The following PCDHGA9 variants were observed in gnomAD, a reference collection of about 807,000 sequenced individuals.
The protein encoded by PCDHGA9 is protocadherin gamma-A9.
Under a neutral mutation model 62.5 loss-of-function variants are expected in PCDHGA9, and 37 were observed. The observed-to-expected ratio is 0.59, with a 90% confidence interval of 0.46 to 0.78. The LOEUF (loss-of-function observed/expected upper bound fraction) is 0.78, where lower values mean the gene tolerates loss of function less well. PCDHGA9 is among the 30% of genes least tolerant of loss of function. The probability of loss-of-function intolerance (pLI) is 0.00; values close to 1 mark genes in which losing one functional copy is unlikely to be tolerated. For missense variants in PCDHGA9, 1,138 were observed against 1,166.2 expected (o/e 0.98, Z 0.35); for synonymous variants, 459 against 484.6 (o/e 0.95, Z 0.69).
In PCDHGA9 at chr5:141,404,481, A is replaced by T; in HGVS notation, c.1529A>T (p.Asp510Val). 6.2e-7 allele frequency: 1 copy of T among 1,613,836 alleles called. No individual in the cohort carries two copies. Among genetic ancestry groups the T allele is most frequent in the Non-Finnish European group, 8.5e-7 (1 of 1,179,792 alleles). Residue 510 changes from aspartate to valine, a missense_variant, in exon 1 of 4, where the codon GAC becomes GTC. Transcript: ENST00000573521. Reference protein sequence around the residue: ...PLSTYVSINSDTGVLYALCSF... With the variant: ...PLSTYVSINSVTGVLYALCSF... ...TCCACCTATGTCTCTATTAACTCAG[A>T]CACTGGTGTGCTGTATGCTCTGTGC...
intron 1 of PCDHGA9, chr5:141,421,412 A>T (rs375885183): frequency 4.3e-6 from 7 of 1,613,962 alleles, no homozygotes; most frequent in Non-Finnish European, 5.9e-6. Context: ...GAGCTGGCGA[A>T]GCGCGGAGTC....
At chr5:141,504,991 G>A (rs896449285) in intron 2 of PCDHGA9, among the ~76,000 whole-genome samples, 44 of 152,034 alleles carry the variant, frequency 2.9e-4, no homozygotes, top group Admixed American at 2.6e-3. Context: ...GTGAAACCCC[G>A]TCTGTACTAA....
chr5:141,490,618 A>G lies in PCDHGA9; in HGVS notation c.2425-4189A>G, dbSNP rs1463273520. On this transcript the variant is annotated intron_variant, in intron 1 of 3. Transcript: ENST00000573521. The surrounding 1 kb of genome is among the most constrained non-coding windows in gnomAD (Gnocchi z 5.4). ...ACCCCGCTTCAACCAGCAGCTTTAC[A>G]CTGCTTACATCCTAGAAAACCGGCC... 4.3e-6 allele frequency: 7 copies of G among 1,613,986 alleles called. No homozygotes were observed. Among genetic ancestry groups the G allele is most frequent in the Admixed American group, 1.7e-5 (1 of 59,996 alleles).
chr5:141,495,465 G>A (rs563411010), intron 2 of PCDHGA9, among the ~76,000 whole-genome samples: 3 of 152,182 alleles, frequency 2.0e-5, no homozygotes, highest in Non-Finnish European at 2.9e-5. Context: ...TGTCTGTGGG[G>A]TCTCCGTGTC....
Position 141,505,475 on chromosome 5 carries a change from G to A in PCDHGA9, c.2566G>A (p.Ala856Thr), listed in dbSNP as rs769108315. The A allele has an allele frequency of 2.2e-5, 35 of 1,614,098 alleles. No homozygotes were observed. Among genetic ancestry groups the A allele is most frequent in the South Asian group, 5.5e-5 (5 of 91,090 alleles). ...GCTGCAAGCCATGATCTTGGCGTCC[G>A]CCAGTGGTAAGTGGTGTCAGTGTGT... ...EMLQAMILAS[A>T]SEAADGSSTL... The change falls in exon 3 of 4, where the codon GCC becomes ACC. Residue 856 changes from alanine to threonine, a missense_variant. Physicochemically the swap from Ala to Thr is moderately conservative, Grantham distance 58. Transcript: ENST00000573521.
At position 141,404,862 on chromosome 5, in the gene PCDHGA9, C is replaced by T. The variant is rs377687399; in HGVS notation, c.1910C>T (p.Ala637Val). ...GCTCGGGCCCTGCTAGATAGAGATG[C>T]GCTCAAACAGAGCCTTGTGGTGGCT... ...RTARALLDRD[A>V]LKQSLVVAVQ... The change falls in exon 1 of 4, where the codon GCG becomes GTG. Residue 637 changes from alanine (A) to valine (V), a missense_variant. Ala to Val is a moderately conservative substitution (Grantham distance 64). Coordinates refer to ENST00000573521, the MANE Select transcript of PCDHGA9 (RefSeq NM_018921.3). The T allele has an allele frequency of 2.3e-5, 37 of 1,613,730 alleles. No individual in the cohort carries two copies. The African/African-American group carries it at 2.8e-4, about 12-fold the overall frequency.
In PCDHGA9 at chr5:141,503,070, G is replaced by A. The variant is rs868143537; in HGVS notation, c.2484-2323G>A. 1.5e-4 allele frequency among the ~76,000 whole-genome samples: 23 copies of A among 151,614 alleles called. No individual in the cohort carries two copies. The Middle Eastern group carries it at 0.01, about 68-fold the overall frequency. On this transcript the variant is annotated intron_variant, in intron 2 of 3. Coordinates refer to ENST00000573521, the MANE Select transcript of PCDHGA9 (RefSeq NM_018921.3). ...GGGTTTCACCATGTTGGTCAGAATGGTCTCGATCTCCTGACCTCGTGGTCT... is the reference window on the plus strand; with the variant it reads ...GGGTTTCACCATGTTGGTCAGAATGATCTCGATCTCCTGACCTCGTGGTCT...
At chr5:141,475,815 C>T (rs2099373124) in intron 1 of PCDHGA9, 1 of 340,648 alleles carries the variant, frequency 2.9e-6, no homozygotes, top group Non-Finnish European at 5.3e-6. Flanking sequence ...AAGTGAAGTT[C>T]CTGGCGCTAG....
intron 2 of PCDHGA9, among the ~76,000 whole-genome samples, chr5:141,501,294 C>CAT (rs200497585): frequency 0.16 from 9,924 of 62,810 alleles, 350 homozygotes; most frequent in Non-Finnish European, 0.25. Flanking sequence ...CCCTTATACA[C>CAT]ACACACACAC....
At chr5:141,419,977 G>A (rs962684463) in intron 1 of PCDHGA9, 1 of 1,614,066 alleles carries the variant, frequency 6.2e-7, no homozygotes, top group Non-Finnish European at 8.5e-7. Context: ...TTCTCCTCGC[G>A]GTGATTCTAG....
chr5:141,418,313 A>G (rs750036471), intron 1 of PCDHGA9: 2 of 1,614,038 alleles, frequency 1.2e-6, no homozygotes, highest in Middle Eastern at 1.6e-4. Context: ...GGGGATGGGA[A>G]CAATTCTTGA....
In PCDHGA9 at chr5:141,443,822, A is replaced by G. The variant is rs183934410; in HGVS notation, c.2424+38446A>G. ...GAAACAGTTACCTTTGGAAAACATAATTAGGTAAAATGGGTAATATGGAAA... is the reference window on the plus strand; with the variant it reads ...GAAACAGTTACCTTTGGAAAACATAGTTAGGTAAAATGGGTAATATGGAAA... On this transcript the variant is annotated intron_variant, in intron 1 of 3. Coordinates refer to ENST00000573521, the MANE Select transcript of PCDHGA9 (RefSeq NM_018921.3). Among the ~76,000 whole-genome samples, 330 of 152,316 alleles carry G rather than the reference A, an allele frequency of 2.2e-3. 2 individuals carry two copies. Among genetic ancestry groups the G allele is most frequent in the Non-Finnish European group, 4.1e-3 (279 of 68,018 alleles).
At chr5:141,424,726 T>C (rs1041673348) in intron 1 of PCDHGA9, 7 of 152,218 alleles carry the variant, frequency 4.6e-5, no homozygotes, top group African/African-American at 4.8e-5. Context: ...TTGGGAGTCA[T>C]AGATTCCTTC....
At chr5:141,409,772 C>T (rs2095314133) in intron 1 of PCDHGA9, 1 of 1,612,736 alleles carries the variant, frequency 6.2e-7, no homozygotes, top group Non-Finnish European at 8.5e-7. Flanking sequence ...TGATCACGAG[C>T]AGCTGCGCGC....
At chr5:141,410,748 C>G in intron 1 of PCDHGA9, 1 of 1,245,396 alleles carries the variant, frequency 8.0e-7, no homozygotes, top group Non-Finnish European at 1.1e-6. Flanking sequence ...AATATTTTCT[C>G]AATGTTTTTT....
At chr5:141,484,912 T>G (rs1594427765) in intron 1 of PCDHGA9, 1 of 437,066 alleles carries the variant, frequency 2.3e-6, no homozygotes, top group East Asian at 4.0e-5. Flanking sequence ...TGCGACGCAT[T>G]AACCCTGCTG....
chr5:141,469,753 T>C (rs564585597), intron 1 of PCDHGA9, among the ~76,000 whole-genome samples: 1 of 152,322 alleles, frequency 6.6e-6, no homozygotes, highest in East Asian at 1.9e-4. Flanking sequence ...ATTACAAAAA[T>C]ACATATATAC....
At chr5:141,413,513 T>C (rs1369472337) in intron 1 of PCDHGA9, 34 of 1,613,974 alleles carry the variant, frequency 2.1e-5, no homozygotes, top group Non-Finnish European at 2.9e-5. Context: ...TTTAATATCC[T>C]TGTGGAAGAC....
intron 1 of PCDHGA9, among the ~76,000 whole-genome samples, chr5:141,452,761 G>A (rs1291983570): frequency 6.6e-6 from 1 of 152,036 alleles, no homozygotes; most frequent in East Asian, 1.9e-4. Flanking sequence ...AGGAAGGGAG[G>A]GAGGGAAAAC....
Sources: gnomAD v4.1 joint callset for allele counts (sites outside exome capture counted in the v4.1 genomes callset) on GRCh38, gnomAD v4.1.1 for gene constraint, Gnocchi (gnomAD v3.1) non-coding constraint, MANE v1.5 for transcripts, NCBI Gene and HGNC (gene_info 2026-07-23, HGNC 2026-07-21) for gene names.